Variants in ATP11C observed in about 807,000 individuals in gnomAD.
ATP11C encodes phospholipid-transporting ATPase IG.
A neutral mutation model predicts 97.4 loss-of-function variants in ATP11C; 36 were observed. The ratio of observed to expected loss-of-function variants is 0.37; its 90% CI spans 0.28 to 0.49. ATP11C has a LOEUF of 0.49. Ranked by LOEUF, ATP11C falls within the 20% of genes least tolerant of loss-of-function variation. ATP11C has a pLI of 0.98. For synonymous variants in ATP11C, 275 were observed against 290.9 expected (o/e 0.95, Z 0.56); for missense variants, 730 against 824.6 (o/e 0.89, Z 1.40).
intron 6 of ATP11C, among the ~76,000 whole-genome samples, chrX:139,803,708 T>C (rs946320613): frequency 8.2e-5 from 6 of 72,884 alleles, no homozygotes; most frequent in Admixed American, 3.1e-4. Flanking sequence ...TTTTTTTTTT[T>C]TTTTTTTTGA....
intron 1 of ATP11C, among the ~76,000 whole-genome samples, chrX:139,912,174 CA>C (rs1162620391): frequency 0.016 from 381 of 24,496 alleles, 1 homozygote; most frequent in East Asian, 0.086. Flanking sequence ...GACTCTGTCT[CA>C]AAAAAAAAAA....
chrX:139,780,989 G>A (rs1383719214), intron 18 of ATP11C, among the ~76,000 whole-genome samples: 1 of 111,284 alleles, frequency 9.0e-6, no homozygotes, highest in Non-Finnish European at 1.9e-5. Context: ...TAATATCTTA[G>A]GTGATGGGAT....
rs1162620391 is a variant in ATP11C at position 139,912,174 on chromosome X, C to CAA, written c.27+19840_27+19841dup. Among the ~76,000 whole-genome samples, 105 of 24,347 alleles carry CAA rather than the reference C, an allele frequency of 4.3e-3. 2 individuals carry two copies. Among genetic ancestry groups the CAA allele is most frequent in the African/African-American group, 0.011 (89 of 8,225 alleles). The allele number at this position is 24,347 out of a possible 115,157, so 21.1% of individuals were successfully genotyped here. A position where few individuals can be genotyped will look rare whatever the true frequency, so the allele number is the denominator to read the frequency against. On this transcript the variant is annotated intron_variant, in intron 1 of 29. Transcript: ENST00000682941. ...TGAGAGACAGAGTAAGACTCTGTCT[C>CAA]AAAAAAAAAAAAAAAAAAAAACTTA...
Position 139,789,458 on chromosome X carries a change from T to C in ATP11C, c.1237A>G (p.Thr413Ala). Residue 413 changes from threonine (T) to alanine (A), a missense_variant, in exon 13 of 30, where the codon ACA (threonine) becomes GCA (alanine). Coordinates refer to ENST00000682941, the MANE Select transcript of ATP11C (RefSeq NM_001353812.2). ...AATTCCATGCTGTTTTCAGTGAGTGTTCCAGTCTTATCTGTAAATACATAA... is the reference window on the plus strand; with the variant it reads ...AATTCCATGCTGTTTTCAGTGAGTGCTCCAGTCTTATCTGTAAATACATAA... ...VDYVFTDKTGTLTENSMEFIE... is the reference protein window; with the variant it reads ...VDYVFTDKTGALTENSMEFIE... 8.3e-7 allele frequency: 1 copy of C among 1,200,967 alleles called. No homozygotes were observed. The highest frequency in any genetic ancestry group is 1.1e-6 in the Non-Finnish European group (1 of 890,866).
At chrX:139,847,762 A>G (rs2083932177) in intron 1 of ATP11C, among the ~76,000 whole-genome samples, 1 of 108,996 alleles carries the variant, frequency 9.2e-6, no homozygotes, top group South Asian at 4.0e-4. Flanking sequence ...CAAACTCTCT[A>G]TATCTTAACA....
chrX:139,737,022 T>G (rs2081458471), intron 28 of ATP11C, among the ~76,000 whole-genome samples: 1 of 110,659 alleles, frequency 9.0e-6, no homozygotes, highest in Admixed American at 9.7e-5. Flanking sequence ...GTTGACAAAT[T>G]TATCAAATAA....
chrX:139,901,921 CTCTGTT>C (rs922550711), intron 1 of ATP11C, among the ~76,000 whole-genome samples: 1 of 109,789 alleles, frequency 9.1e-6, no homozygotes, highest in African/African-American at 3.3e-5. Context: ...TTTTTTTTTC[CTCTGTT>C]TTTCTGGTTT....
rs777844952 is a variant in ATP11C at position 139,830,436 on chromosome X, C to T, written c.28-3613G>A. 8.1e-5 allele frequency among the ~76,000 whole-genome samples: 9 copies of T among 111,732 alleles called. No individual in the cohort carries two copies. The South Asian group carries it at 1.1e-3, about 14-fold the overall frequency. ...AAAATACAAATAACCCTCAGTGTTCCGTCCAACCATTTTAAGCTGCTCGCA... is the reference window on the plus strand; with the variant it reads ...AAAATACAAATAACCCTCAGTGTTCTGTCCAACCATTTTAAGCTGCTCGCA... On this transcript the variant is annotated intron_variant, in intron 1 of 29. Transcript: ENST00000682941.
chrX:139,773,988 G>T (rs1004661832), intron 19 of ATP11C, among the ~76,000 whole-genome samples: 3 of 112,425 alleles, frequency 2.7e-5, no homozygotes, highest in Admixed American at 1.9e-4. Context: ...ATTGCTTAGG[G>T]ATATTTCAAG....
chrX:139,885,856 T>G (rs2084632668), intron 1 of ATP11C, among the ~76,000 whole-genome samples: 1 of 110,111 alleles, frequency 9.1e-6, no homozygotes, highest in Admixed American at 9.7e-5. Context: ...TTCCTCAACC[T>G]GGTAAAGAGC....
intron 1 of ATP11C, among the ~76,000 whole-genome samples, chrX:139,901,047 T>G (rs1034343659): frequency 9.0e-6 from 1 of 111,622 alleles, no homozygotes; most frequent in Non-Finnish European, 1.9e-5. Flanking sequence ...CTGAATTACA[T>G]GCAGTTTTTC....
At chrX:139,915,435 C>T (rs1245515179) in intron 1 of ATP11C, among the ~76,000 whole-genome samples, 1 of 111,163 alleles carries the variant, frequency 9.0e-6, no homozygotes, top group African/African-American at 3.3e-5. Context: ...TTTGGGAGGC[C>T]GAGGCAGGAG....
At chrX:139,906,183 G>C (rs2084972195) in intron 1 of ATP11C, among the ~76,000 whole-genome samples, 1 of 108,687 alleles carries the variant, frequency 9.2e-6, no homozygotes, top group Admixed American at 9.9e-5. Flanking sequence ...AGGTGGACAT[G>C]AGTTACTTAA....
In ATP11C at chrX:139,741,078, C is replaced by A; in HGVS notation, c.3047G>T (p.Arg1016Leu). The A allele has an allele frequency of 1.7e-6, 2 of 1,200,352 alleles. No individual in the cohort carries two copies. The highest frequency in any genetic ancestry group is 2.3e-6 in the Non-Finnish European group (2 of 885,915). The part of the protein sequence containing the change: ...TVTLKLALDT[R>L]FWTWINHFVI... ...AAAGTGATTTATCCACGTCCAGAAT[C>A]GGGTATCCAAGGCAAGCTGAAAAGA... Residue 1016 changes from arginine (R) to leucine (L), a missense_variant, in exon 27 of 30, where the codon CGA becomes CTA. Coordinates refer to ENST00000682941, the MANE Select transcript of ATP11C (RefSeq NM_001353812.2).
chrX:139,912,194 AAC>A (rs2085087623), intron 1 of ATP11C, among the ~76,000 whole-genome samples: 1 of 108,755 alleles, frequency 9.2e-6, no homozygotes, highest in Non-Finnish European at 1.9e-5. Flanking sequence ...AAAAAAAAAA[AAC>A]TTAGCAATAC....
In ATP11C at chrX:139,819,460, T is replaced by C. The variant is rs779780221; in HGVS notation, c.148-33A>G. 5.3e-6 allele frequency: 4 copies of C among 747,993 alleles called. No homozygotes were observed. In the South Asian group the frequency reaches 9.9e-5, roughly 19 times the overall value. 61.6% of individuals were successfully genotyped at this position (747,993 alleles called of 1,213,427 possible). ...GGAGGAAGAAAAAAGAACACTGTTA[T>C]GAAGAAAACTTGAAAAATCTTAATA... On this transcript the variant is annotated intron_variant, in intron 2 of 29. Coordinates refer to ENST00000682941, the MANE Select transcript of ATP11C (RefSeq NM_001353812.2).
chrX:139,935,383 T>C (rs754539907), upstream of ATP11C, among the ~76,000 whole-genome samples: 1 of 111,604 alleles, frequency 9.0e-6, no homozygotes, highest in South Asian at 3.7e-4. Context: ...CTGGGCAACA[T>C]GGTGAAACCC....
intron 1 of ATP11C, among the ~76,000 whole-genome samples, chrX:139,842,105 C>T (rs2147929288): frequency 8.9e-6 from 1 of 112,686 alleles, no homozygotes; most frequent in African/African-American, 3.2e-5. Flanking sequence ...AATCTCGGCT[C>T]ACTGCAAGCT....
At chrX:139,735,125 C>G (rs1251710853) in intron 28 of ATP11C, among the ~76,000 whole-genome samples, 1 of 111,882 alleles carries the variant, frequency 8.9e-6, no homozygotes, top group Non-Finnish European at 1.9e-5. Flanking sequence ...TGATTCATCC[C>G]TGAATTACCA....
Sources: gnomAD v4.1 joint callset for allele counts (sites outside exome capture counted in the v4.1 genomes callset) on GRCh38, gnomAD v4.1.1 for gene constraint, MANE v1.5 for transcripts, NCBI Gene and HGNC (gene_info 2026-07-23, HGNC 2026-07-21) for gene names.